The following ADAMTS16 variants were observed in gnomAD, a reference collection of about 807,000 sequenced individuals.
The protein encoded by ADAMTS16 is A disintegrin and metalloproteinase with thrombospondin motifs 16.
A neutral mutation model predicts 145.8 loss-of-function variants in ADAMTS16; 94 were observed. The observed-to-expected ratio is 0.64, with a 90% CI of 0.55 to 0.77. ADAMTS16 has a LOEUF of 0.77. Among genes scored for constraint, ADAMTS16 ranks in the 30% least tolerant of loss-of-function variants. ADAMTS16 has a pLI of 0.00. For synonymous variants in ADAMTS16, 659 were observed against 604.3 expected, an observed-to-expected ratio of 1.09 and a Z score of -1.33; for missense variants, 1,585 against 1,591.5, an observed-to-expected ratio of 1.00 and a Z score of 0.07.
Position 5,306,549 on chromosome 5 carries a change from T to C in ADAMTS16, c.3232T>C (p.Cys1078Arg), listed in dbSNP as rs1734286756. The C allele has an allele frequency of 6.2e-7, 1 of 1,614,186 alleles. No homozygotes were observed. The highest frequency in any genetic ancestry group is 8.5e-7 in the Non-Finnish European group (1 of 1,180,014). Residue 1078 changes from cysteine to arginine, a missense_variant, in exon 21 of 23, where the codon TGT becomes CGT. By Grantham distance (180) the Cys-to-Arg change is radical. Coordinates refer to ENST00000274181, the MANE Select transcript of ADAMTS16 (RefSeq NM_139056.4). ...AGGAACACAGAAAAGATTCTTAAAA[T>C]GTGCTGAAAAGTATGTTTCTGGAAA... ...ERGTQKRFLK[C>R]AEKYVSGKYR...
At chr5:5,150,875 A>G (rs1009459679) in intron 3 of ADAMTS16, among the ~76,000 whole-genome samples, 1 of 152,180 alleles carries the variant, frequency 6.6e-6, no homozygotes, top group Non-Finnish European at 1.5e-5. Flanking sequence ...TCAACTGTTT[A>G]TCTCACTGTG....
intron 18 of ADAMTS16, among the ~76,000 whole-genome samples, chr5:5,263,352 A>G (rs75283488): frequency 0.026 from 3,993 of 152,326 alleles, 82 homozygotes; most frequent in Middle Eastern, 0.065. Context: ...TGAGGCAGCC[A>G]TGGTCCTGCT....
chr5:5,211,883 T>C (rs1431724927), intron 10 of ADAMTS16, among the ~76,000 whole-genome samples: 2 of 152,182 alleles, frequency 1.3e-5, no homozygotes, highest in East Asian at 3.8e-4. Flanking sequence ...TGATTTCTAA[T>C]TTCATAATTT....
chr5:5,280,035 T>C (rs1372475552), intron 18 of ADAMTS16, among the ~76,000 whole-genome samples: 3 of 152,066 alleles, frequency 2.0e-5, no homozygotes, highest in African/African-American at 7.2e-5. Context: ...TTCTGTAAAG[T>C]ATTTTTATCT....
chr5:5,248,618 G>A lies in ADAMTS16; in HGVS notation c.2662+6427G>A, dbSNP rs572560510. Among the ~76,000 whole-genome samples, 8 of 152,300 alleles carry A rather than the reference G, an allele frequency of 5.3e-5. No homozygotes were observed. The South Asian group carries it at 1.7e-3, about 32-fold the overall frequency. On this transcript the variant is annotated intron_variant, in intron 17 of 22. Transcript: ENST00000274181. The stretch of plus-strand genomic sequence containing the variant: ...ACTGCTGAGAAGTTGCTTCATGGAC[G>A]TGCCATTAGTCAGAGAAATAATACC...
chr5:5,271,036 T>C (rs1205486016), intron 18 of ADAMTS16, among the ~76,000 whole-genome samples: 1 of 151,868 alleles, frequency 6.6e-6, no homozygotes, highest in African/African-American at 2.4e-5. Flanking sequence ...TGAAGGAGGG[T>C]TCCACAAGGA....
In ADAMTS16 at chr5:5,182,173, C is replaced by A. The variant is rs61748184; in HGVS notation, c.631C>A (p.Pro211Thr). The change falls in exon 4 of 23, where the codon CCC becomes ACC. Residue 211 changes from proline to threonine, a missense_variant. Transcript: ENST00000274181. ...SHVLYKRSTEPHAPGASEVLV... is the reference protein window; with the variant it reads ...SHVLYKRSTETHAPGASEVLV... ...CGTACTGTACAAGAGATCCACAGAG[C>A]CCCATGCTCCTGGGGCCAGTGAGGT... The A allele has an allele frequency of 6.2e-7, 1 of 1,614,036 alleles. No individual in the cohort carries two copies.
chr5:5,153,608 A>T (rs1185048879), intron 3 of ADAMTS16, among the ~76,000 whole-genome samples: 1 of 152,224 alleles, frequency 6.6e-6, no homozygotes, highest in Non-Finnish European at 1.5e-5. Context: ...TAGGGTTTTT[A>T]ACAAAACTAT....
intron 3 of ADAMTS16, among the ~76,000 whole-genome samples, chr5:5,148,767 A>C (rs58145666): frequency 0.019 from 2,938 of 152,266 alleles, 82 homozygotes; most frequent in African/African-American, 0.067. Context: ...CTTGAGAACT[A>C]TGTATGGCTG....
At chr5:5,304,446 A>G (rs73023579) in intron 20 of ADAMTS16, among the ~76,000 whole-genome samples, 9,653 of 152,096 alleles carry the variant, frequency 0.063, 574 homozygotes, top group African/African-American at 0.16. Context: ...CAGAGTGGCA[A>G]CAGCACCACC....
chr5:5,287,581 A>G (rs766183094), intron 18 of ADAMTS16, among the ~76,000 whole-genome samples: 45 of 152,200 alleles, frequency 3.0e-4, no homozygotes, highest in Non-Finnish European at 5.4e-4. Flanking sequence ...CGACGTAGAG[A>G]GTTCTTGGAT....
At chr5:5,171,317 A>G (rs1213474207) in intron 3 of ADAMTS16, among the ~76,000 whole-genome samples, 1 of 152,204 alleles carries the variant, frequency 6.6e-6, no homozygotes, top group Admixed American at 6.5e-5. Flanking sequence ...TTTGGATAAC[A>G]GTGGTAAAAG....
chr5:5,162,184 T>A (rs926151924), intron 3 of ADAMTS16, among the ~76,000 whole-genome samples: 3 of 152,220 alleles, frequency 2.0e-5, no homozygotes, highest in African/African-American at 7.2e-5. Flanking sequence ...GGAAAATAAT[T>A]GATATTGAAA....
chr5:5,316,443 T>C (rs751671259), intron 21 of ADAMTS16, among the ~76,000 whole-genome samples: 8 of 152,188 alleles, frequency 5.3e-5, no homozygotes, highest in Non-Finnish European at 1.2e-4. Flanking sequence ...ATTTACATGA[T>C]TTAGTCTAGA....
intron 20 of ADAMTS16, among the ~76,000 whole-genome samples, chr5:5,305,021 AC>A (rs1739995335): frequency 1.3e-5 from 1 of 78,700 alleles, no homozygotes; most frequent in African/African-American, 4.6e-5. Context: ...CACCACACAC[AC>A]ACACACACAT....
intron 17 of ADAMTS16, among the ~76,000 whole-genome samples, chr5:5,250,379 A>G (rs1229249899): frequency 3.3e-5 from 5 of 152,180 alleles, no homozygotes; most frequent in African/African-American, 7.2e-5. Flanking sequence ...AGAAATCTCA[A>G]TGTCCCTGGC....
chr5:5,169,824 G>A, intron 3 of ADAMTS16, among the ~76,000 whole-genome samples: 1 of 152,072 alleles, frequency 6.6e-6, no homozygotes, highest in East Asian at 1.9e-4. Context: ...TCTGGACTTG[G>A]GTGGACAGCA....
chr5:5,283,089 G>A (rs1456463573), intron 18 of ADAMTS16, among the ~76,000 whole-genome samples: 2 of 151,514 alleles, frequency 1.3e-5, no homozygotes, highest in Non-Finnish European at 2.9e-5. Flanking sequence ...TGATAATTTT[G>A]GCTTCCCTCT....
At chr5:5,143,551 C>T (rs1734219583) in intron 2 of ADAMTS16, among the ~76,000 whole-genome samples, 1 of 152,120 alleles carries the variant, frequency 6.6e-6, no homozygotes, top group Non-Finnish European at 1.5e-5. Flanking sequence ...TTAGTTCAAC[C>T]ATTGTGGAAG....
Sources: allele counts gnomAD v4.1 joint callset (sites outside exome capture counted in the v4.1 genomes callset), GRCh38; gene constraint gnomAD v4.1.1; transcripts MANE v1.5; gene names NCBI Gene and HGNC (gene_info 2026-07-23, HGNC 2026-07-21).